The following PPP4R4 variants were observed in gnomAD, a reference collection of about 807,000 sequenced individuals.
PPP4R4 encodes protein phosphatase 4 regulatory subunit 4.
In PPP4R4, 70 loss-of-function variants were observed where a neutral mutation model predicts 121.8. The ratio of observed to expected loss-of-function variants is 0.57; its 90% confidence interval spans 0.47 to 0.70. PPP4R4 has a LOEUF of 0.70. Among genes scored for constraint, PPP4R4 ranks in the 30% least tolerant of loss-of-function variants. The pLI is 0.00. For synonymous variants in PPP4R4, 348 were observed against 355.7 expected (o/e 0.98, Z 0.24); for missense variants, 875 against 1,033.6 (o/e 0.85, Z 2.10).
chr14:94,250,241 G>C lies in PPP4R4; in HGVS notation c.1681G>C (p.Glu561Gln). The change falls in exon 15 of 25, where the codon GAA (glutamate) becomes CAA (glutamine). Residue 561 changes from glutamate (E) to glutamine (Q), a missense_variant. Physicochemically the swap from Glu to Gln is conservative, Grantham distance 29 (BLOSUM62 2). Transcript: ENST00000304338. Reference protein sequence around the residue: ...CIFLRYNRKQEQRHEVIQKLI... With the variant: ...CIFLRYNRKQQQRHEVIQKLI... ...TTTTCTGCGTTATAATCGTAAACAA[G>C]AACAGAGACATGAGGTCATTCAAAA... is the stretch of plus-strand genomic sequence containing the variant. 1 of 1,611,324 alleles carries C rather than the reference G, an allele frequency of 6.2e-7. No homozygotes were observed. The highest frequency in any genetic ancestry group is 8.5e-7 in the Non-Finnish European group (1 of 1,177,994).
intron 23 of PPP4R4, 52 bp from the exon 24 acceptor site, chr14:94,275,322 C>T (rs896575492): frequency 6.3e-7 from 1 of 1,579,358 alleles, no homozygotes; most frequent in African/African-American, 1.3e-5. Flanking sequence ...TCTTTGGTTA[C>T]CCTCTTTGTT....
In PPP4R4 at chr14:94,237,687, G is replaced by T; in HGVS notation, c.853+1G>T. 1 of 1,611,316 alleles carries T rather than the reference G, an allele frequency of 6.2e-7. No individual in the cohort carries two copies. The highest frequency in any genetic ancestry group is 8.5e-7 in the Non-Finnish European group (1 of 1,177,810). On this transcript the variant is annotated splice_donor_variant, in intron 8 of 24. Coordinates refer to ENST00000304338, the MANE Select transcript of PPP4R4 (RefSeq NM_058237.2). LOFTEE classifies it high-confidence loss of function. ...AATCTGCTTGATATATTTGATACAG[G>T]TAAATCATGTGGCTACATCTTTGCT...
At chr14:94,247,847 T>G (rs2139589451) in intron 14 of PPP4R4, among the ~76,000 whole-genome samples, 1 of 152,318 alleles carries the variant, frequency 6.6e-6, no homozygotes, top group Admixed American at 6.5e-5. Context: ...AAAAGGCTTT[T>G]GATAAAGTCC....
At chr14:94,211,154 C>T (rs557445895) in intron 3 of PPP4R4, among the ~76,000 whole-genome samples, 4 of 152,198 alleles carry the variant, frequency 2.6e-5, no homozygotes, top group South Asian at 4.2e-4. Context: ...AGGCACTGTT[C>T]GAAGCACTGG....
At chr14:94,213,052 T>C (rs1956169) in intron 3 of PPP4R4, among the ~76,000 whole-genome samples, 32,530 of 152,116 alleles carry the variant, frequency 0.21, 4,082 homozygotes, top group East Asian at 0.59. Context: ...TGTCAGGCAC[T>C]GTATTCTGTC....
At chr14:94,227,514 C>A in intron 3 of PPP4R4, 6 of 1,330,324 alleles carry the variant, frequency 4.5e-6, no homozygotes, top group Non-Finnish European at 5.8e-6. Flanking sequence ...GAAGTCAGCA[C>A]AACAAGAGAA....
At chr14:94,198,006 TAA>T (rs931614536) in intron 2 of PPP4R4, among the ~76,000 whole-genome samples, 18 of 152,212 alleles carry the variant, frequency 1.2e-4, no homozygotes, top group African/African-American at 4.1e-4. Context: ...ATATTTACAT[TAA>T]AGTGTTTATG....
rs148289855 is a variant in PPP4R4 at position 94,180,278 on chromosome 14, G to A, written c.191+4151G>A. Reference sequence around the variant, plus strand: ...AAACGGACAAAGTATACCAACTGAAGTTTGTGATAGATATCCATTAACTTC... The same window carrying A: ...AAACGGACAAAGTATACCAACTGAAATTTGTGATAGATATCCATTAACTTC... On this transcript the variant is annotated intron_variant, in intron 2 of 24. Transcript: ENST00000304338. Among the ~76,000 whole-genome samples the A allele has an allele frequency of 3.9e-5, 6 of 152,266 alleles. No individual in the cohort carries two copies. The East Asian group carries it at 1.2e-3, about 29-fold the overall frequency.
chr14:94,240,308 A>G lies in PPP4R4; in HGVS notation c.854-365A>G, dbSNP rs117836286. 1.8e-3 allele frequency among the ~76,000 whole-genome samples: 273 copies of G among 152,236 alleles called. 2 individuals carry two copies. The South Asian group carries it at 0.029, about 16-fold the overall frequency. On this transcript the variant is annotated intron_variant, in intron 8 of 24. Transcript: ENST00000304338. ...AGATGTGTGTAAAAGAGAATAAGAA[A>G]AGTTTCCTTTGCTTACTATTTATCT...
At chr14:94,250,106 G>T (rs1206415635) in intron 14 of PPP4R4, 66 bp from the exon 15 acceptor site, 5 of 1,054,688 alleles carry the variant, frequency 4.7e-6, no homozygotes, top group Non-Finnish European at 7.4e-6. Context: ...AATTGATTTG[G>T]TGGGGTCAAA....
At chr14:94,232,368 A>G (rs1284506083) in intron 5 of PPP4R4, among the ~76,000 whole-genome samples, 3 of 152,180 alleles carry the variant, frequency 2.0e-5, no homozygotes, top group African/African-American at 7.2e-5. Context: ...GTCCTGTCAC[A>G]ATGCTTAAAT....
At chr14:94,183,228 G>C (rs927789755) in intron 2 of PPP4R4, among the ~76,000 whole-genome samples, 1 of 152,134 alleles carries the variant, frequency 6.6e-6, no homozygotes, top group African/African-American at 2.4e-5. Context: ...CTCAGTCCCT[G>C]TGCTTTTAAT....
intron 14 of PPP4R4, among the ~76,000 whole-genome samples, chr14:94,249,861 G>A (rs1893087839): frequency 6.6e-6 from 1 of 151,988 alleles, no homozygotes; most frequent in South Asian, 2.1e-4. Context: ...CAAAGTCCAG[G>A]GAACAGCTAA....
chr14:94,217,660 C>T (rs1891099383), intron 3 of PPP4R4, among the ~76,000 whole-genome samples: 1 of 152,162 alleles, frequency 6.6e-6, no homozygotes, highest in African/African-American at 2.4e-5. Context: ...ATGTATAGGG[C>T]ATTTCAACAG....
chr14:94,243,344 G>A (rs77957577), intron 11 of PPP4R4, among the ~76,000 whole-genome samples: 192 of 152,038 alleles, frequency 1.3e-3, no homozygotes, highest in African/African-American at 4.1e-3. Flanking sequence ...CTCTGCTTTC[G>A]GAGGAGCGGG....
At chr14:94,240,615 A>G in intron 8 of PPP4R4, 58 bp from the exon 9 acceptor site, 2 of 1,533,936 alleles carry the variant, frequency 1.3e-6, no homozygotes, top group Non-Finnish European at 1.8e-6. Flanking sequence ...ATTAGTTTCC[A>G]CATGTGCAAT....
intron 2 of PPP4R4, among the ~76,000 whole-genome samples, chr14:94,206,189 T>G (rs776773394): frequency 3.3e-5 from 5 of 151,986 alleles, no homozygotes; most frequent in African/African-American, 1.2e-4. Context: ...TCTTGGTGGA[T>G]TCATCTCTTT....
At chr14:94,227,955 G>C in intron 3 of PPP4R4, 1 of 856,084 alleles carries the variant, frequency 1.2e-6, no homozygotes, top group South Asian at 5.4e-5. Flanking sequence ...AAACAAAGGG[G>C]TATGGGAGGA....
intron 2 of PPP4R4, among the ~76,000 whole-genome samples, chr14:94,202,289 C>T (rs1210086433): frequency 6.6e-6 from 1 of 151,852 alleles, no homozygotes; most frequent in Non-Finnish European, 1.5e-5. Context: ...ACCTGTTCCC[C>T]AAAAACCTAT....
Sources: gnomAD v4.1 joint callset for allele counts (sites outside exome capture counted in the v4.1 genomes callset) on GRCh38, gnomAD v4.1.1 for gene constraint, MANE v1.5 for transcripts, NCBI Gene and HGNC (gene_info 2026-07-23, HGNC 2026-07-21) for gene names.